PALM2AKAP2: variants seen among roughly 807,000 people sequenced by gnomAD.
The protein encoded by PALM2AKAP2 is PALM2-AKAP2 fusion protein.
In PALM2AKAP2, 37 loss-of-function variants were observed where a neutral mutation model predicts 71.5. The ratio of observed to expected loss-of-function variants is 0.52; its 90% CI spans 0.40 to 0.68. PALM2AKAP2 has a LOEUF of 0.68. PALM2AKAP2 is among the 30% of genes least tolerant of loss of function. The pLI is 0.00. For synonymous variants in PALM2AKAP2, 468 were observed against 478.8 expected (o/e 0.98, Z 0.29); for missense variants, 1,224 against 1,191.8 (o/e 1.03, Z -0.40).
chr9:109,983,250 G>C (rs182851189), intron 6 of PALM2AKAP2, among the ~76,000 whole-genome samples: 1 of 152,140 alleles, frequency 6.6e-6, no homozygotes, highest in Non-Finnish European at 1.5e-5. Context: ...CCATAGATGC[G>C]AATACCTGAT....
At chr9:110,014,801 AAAATGTATATATATATATATATAT>A (rs1832945328) in intron 6 of PALM2AKAP2, among the ~76,000 whole-genome samples, 1 of 41,266 alleles carries the variant, frequency 2.4e-5, no homozygotes, top group Non-Finnish European at 4.1e-5. Context: ...AAAAAAAAAA[AAAATGTATATATATATATATATAT>A]ATATATATAT....
chr9:110,006,360 T>TTCTTTCTG (rs1832785546), intron 6 of PALM2AKAP2, among the ~76,000 whole-genome samples: 1 of 148,544 alleles, frequency 6.7e-6, no homozygotes, highest in Admixed American at 6.8e-5. Context: ...CTTTCTTTCT[T>TTCTTTCTG]TCTTTCTTTC....
At chr9:109,762,637 A>G (rs185390368) in intron 1 of PALM2AKAP2, among the ~76,000 whole-genome samples, 3 of 152,240 alleles carry the variant, frequency 2.0e-5, no homozygotes, top group African/African-American at 7.2e-5. Context: ...ACCCAGGCCA[A>G]TGTAAGTCAC....
intron 1 of PALM2AKAP2, among the ~76,000 whole-genome samples, chr9:109,772,297 A>T (rs910616010): frequency 6.6e-6 from 1 of 150,992 alleles, no homozygotes; most frequent in African/African-American, 2.4e-5. Context: ...CTTCCAGGGA[A>T]CTCCACAAGG....
At chr9:109,943,202 C>T (rs1202947147) in intron 6 of PALM2AKAP2, 9 of 1,614,044 alleles carry the variant, frequency 5.6e-6, no homozygotes, top group Non-Finnish European at 7.6e-6. Context: ...ACCATCAAGG[C>T]TGAATTGGTC....
chr9:110,053,782 T>C (rs1833769396), intron 1 of PALM2AKAP2, among the ~76,000 whole-genome samples: 1 of 152,132 alleles, frequency 6.6e-6, no homozygotes, highest in Non-Finnish European at 1.5e-5. Context: ...GTTTGTTTTT[T>C]CTTCTAAGCC....
At chr9:109,853,370 A>T (rs1829072490) in intron 1 of PALM2AKAP2, among the ~76,000 whole-genome samples, 1 of 152,144 alleles carries the variant, frequency 6.6e-6, no homozygotes, top group Admixed American at 6.5e-5. Flanking sequence ...TAGCTTTCCA[A>T]TCTTTTCCAT....
At chr9:109,743,834 G>A (rs933069734) in intron 1 of PALM2AKAP2, among the ~76,000 whole-genome samples, 9 of 152,098 alleles carry the variant, frequency 5.9e-5, no homozygotes, top group African/African-American at 2.2e-4. Context: ...TAACATCAGA[G>A]CCCAGCACAC....
chr9:109,733,280 G>A (rs1828583022), intron 1 of PALM2AKAP2, among the ~76,000 whole-genome samples: 1 of 152,168 alleles, frequency 6.6e-6, no homozygotes, highest in South Asian at 2.1e-4. Flanking sequence ...GAAGAGAAGT[G>A]ACAAAAGAAC....
rs139566170 is a variant in PALM2AKAP2, at chr9:110,025,480, A to G, written c.582+9441A>G. ...CTGGCAGTAAGTATTCTTGCTATGA[A>G]TAGTTGCTGCTTTGGATAGTCACAT... On this transcript the variant is annotated intron_variant, in intron 7 of 9. Coordinates refer to the PALM2AKAP2 transcript ENST00000302798. 8.8e-4 allele frequency: 546 copies of G among 620,314 alleles called. 1 individual carries two copies. The African/African-American group carries it at 9.1e-3, about 10-fold the overall frequency. 38.4% of individuals were successfully genotyped at this position (620,314 alleles called of 1,614,324 possible).
At chr9:109,867,452 C>G (rs41304939) in intron 1 of PALM2AKAP2, 39 bp from the exon 2 acceptor site, 16,685 of 1,606,398 alleles carry the variant, frequency 0.01, 114 homozygotes, top group Non-Finnish European at 0.012. Context: ...GGAGCCAACA[C>G]CCACCCACTC....
rs987919196 is a variant in PALM2AKAP2, at chr9:109,923,973, A to C, written c.372+124A>C. On this transcript the variant is annotated intron_variant, in intron 4 of 9. Transcript: ENST00000302798. Reference sequence around the variant, plus strand: ...AGAAATCTGAGCCACGAACTCTATGAAATGAGGGGCAGATGTGTGAGGACC... The same window carrying C: ...AGAAATCTGAGCCACGAACTCTATGCAATGAGGGGCAGATGTGTGAGGACC... 4 of 1,009,720 alleles carry C rather than the reference A, an allele frequency of 4.0e-6. No homozygotes were observed. In the African/African-American group the frequency reaches 6.6e-5, roughly 17 times the overall value. The allele number at this position is 1,009,720 out of a possible 1,614,324, so 62.5% of individuals were successfully genotyped here. A position where few individuals can be genotyped will look rare whatever the true frequency, so the allele number is the denominator to read the frequency against.
chr9:110,079,889 G>A (rs1238156125), intron 1 of PALM2AKAP2, among the ~76,000 whole-genome samples: 1 of 151,976 alleles, frequency 6.6e-6, no homozygotes, highest in Non-Finnish European at 1.5e-5. Flanking sequence ...GGCCAAGCTG[G>A]TGAAACCTCG....
chr9:109,900,896 C>T (rs1191009611), intron 3 of PALM2AKAP2, among the ~76,000 whole-genome samples: 2 of 152,210 alleles, frequency 1.3e-5, no homozygotes, highest in Non-Finnish European at 2.9e-5. Flanking sequence ...ATACCTGAAT[C>T]TTTTAAATCA....
rs1268364045 is a variant in PALM2AKAP2 at position 109,846,147 on chromosome 9, G to A, written c.46-21344G>A. ...GAGGAAGGAGGAAGAAGTGGCAGCC[G>A]GGTAGGACAGCAGGTCTTCTCTGTC... On this transcript the variant is annotated intron_variant, in intron 1 of 9. Coordinates refer to the PALM2AKAP2 transcript ENST00000302798. Among the ~76,000 whole-genome samples the A allele has an allele frequency of 2.6e-5, 4 of 152,114 alleles. No homozygotes were observed. In the East Asian group the frequency reaches 5.8e-4, roughly 22 times the overall value.
intron 2 of PALM2AKAP2, among the ~76,000 whole-genome samples, chr9:110,140,571 T>A (rs1371017885): frequency 1.3e-5 from 2 of 152,258 alleles, no homozygotes. Flanking sequence ...TTTTAATTCT[T>A]ATTTAATAAA....
At chr9:109,674,784 A>G (rs2118500207) in intron 1 of PALM2AKAP2, among the ~76,000 whole-genome samples, 1 of 152,234 alleles carries the variant, frequency 6.6e-6, no homozygotes, top group South Asian at 2.1e-4. Context: ...ATTTATAAGA[A>G]TATGAATAAA....
chr9:109,901,300 C>T (rs1404751792), intron 3 of PALM2AKAP2, among the ~76,000 whole-genome samples: 6 of 152,206 alleles, frequency 3.9e-5, no homozygotes, highest in Non-Finnish European at 7.4e-5. Flanking sequence ...AGCTCAGCCA[C>T]CTGTTGTAAA....
rs924312509 is a variant in PALM2AKAP2, at chr9:110,062,363, A to G, written c.156+13508A>G. 3.3e-5 allele frequency among the ~76,000 whole-genome samples: 5 copies of G among 152,202 alleles called. No individual in the cohort carries two copies. The East Asian group carries it at 7.7e-4, about 23-fold the overall frequency. On this transcript the variant is annotated intron_variant, in intron 1 of 3. Coordinates refer to ENST00000374525, the Ensembl canonical transcript of PALM2AKAP2. ...GTGGTGTTTGGTTTTCTGTTGCTGC[A>G]TTAGTTTGCTGAGGATAATGGCTTT...
Sources: gnomAD v4.1 joint callset for allele counts (sites outside exome capture counted in the v4.1 genomes callset) on GRCh38, gnomAD v4.1.1 for gene constraint, MANE v1.5 for transcripts, NCBI Gene and HGNC (gene_info 2026-07-23, HGNC 2026-07-21) for gene names.